TMPRSS9: variants seen among roughly 807,000 people sequenced by gnomAD.
TMPRSS9 encodes the protein transmembrane protease serine 9.
TMPRSS9 carries 113 observed loss-of-function variants against 111.4 expected under a neutral mutation model. The ratio of observed to expected loss-of-function variants is 1.01; its 90% CI spans 0.87 to 1.19. The LOEUF (loss-of-function observed/expected upper bound fraction) is 1.19. Among genes scored for constraint, TMPRSS9 ranks in the 50% most tolerant of loss-of-function variants. TMPRSS9 has a pLI of 0.00. For missense variants in TMPRSS9, 1,803 were observed against 1,513.1 expected, an observed-to-expected ratio of 1.19 and a Z score of -3.18; for synonymous variants, 805 against 659.1, an observed-to-expected ratio of 1.22 and a Z score of -3.39.
intron 10 of TMPRSS9, 133 bp from the exon 12 acceptor site, chr19:2,415,537 T>A (rs775205779): frequency 1.7e-5 from 15 of 857,452 alleles, no homozygotes; most frequent in Non-Finnish European, 2.6e-5. Context: ...CCTCCACGGC[T>A]TCTTGTGTGG....
At chr19:2,418,135 C>T (rs1443281458) in exon 13 of TMPRSS9, 14 of 1,611,702 alleles carry the variant, frequency 8.7e-6, no homozygotes, top group Non-Finnish European at 1.2e-5. Flanking sequence ...TCGACTCCTG[C>T]CAGGTAAGCA....
At chr19:2,418,360 TC>T (rs1971327885) in intron 13 of TMPRSS9, among the ~76,000 whole-genome samples, 2 of 48,634 alleles carry the variant, frequency 4.1e-5, no homozygotes, top group African/African-American at 2.3e-4. Flanking sequence ...CCTCCCTCCC[TC>T]CCTTCCCTTC....
intron 1 of TMPRSS9, among the ~76,000 whole-genome samples, chr19:2,365,410 C>T (rs184641699): frequency 4.6e-5 from 7 of 151,590 alleles, no homozygotes; most frequent in East Asian, 1.9e-4. Flanking sequence ...GATGTTGGGG[C>T]GATGGAGGAG....
intron 1 of TMPRSS9, among the ~76,000 whole-genome samples, chr19:2,377,166 G>T (rs1970342029): frequency 6.6e-6 from 1 of 150,842 alleles, no homozygotes; most frequent in African/African-American, 2.4e-5. Context: ...TGGCTCTATT[G>T]TTAATGGCCA....
At chr19:2,398,933 A>G (rs1970767612) in intron 3 of TMPRSS9, 71 bp downstream of exon 4, 1 of 1,535,692 alleles carries the variant, frequency 6.5e-7, no homozygotes, top group Non-Finnish European at 8.7e-7. Context: ...AGTCCAGAAA[A>G]GTTTGGAAGA....
chr19:2,396,725 C>A (rs919505240), intron 2 of TMPRSS9, 59 bp downstream of exon 3: 8 of 1,546,154 alleles, frequency 5.2e-6, no homozygotes, highest in Non-Finnish European at 6.1e-6. Context: ...GGGGCTTTGA[C>A]CTGGAGGTGC....
intron 17 of TMPRSS9, 129 bp from the exon 19 acceptor site, chr19:2,425,798 A>G (rs1971609467): frequency 1.5e-6 from 2 of 1,358,568 alleles, no homozygotes; most frequent in South Asian, 1.5e-5. Context: ...CATTGAGCCC[A>G]TTTTCCAGAT....
chr19:2,362,347 C>T (rs566581588), intron 1 of TMPRSS9, among the ~76,000 whole-genome samples: 7 of 149,922 alleles, frequency 4.7e-5, no homozygotes, highest in East Asian at 4.0e-4. Context: ...TGTGGTTGTG[C>T]GAGATTGTGT....
chr19:2,383,183 G>C (rs528008371), intron 1 of TMPRSS9, among the ~76,000 whole-genome samples: 1 of 152,042 alleles, frequency 6.6e-6, no homozygotes, highest in Admixed American at 6.6e-5. Flanking sequence ...GCAAGATCCC[G>C]TCTCTACTAA....
intron 7 of TMPRSS9, among the ~76,000 whole-genome samples, chr19:2,406,924 C>T (rs535833330): frequency 2.6e-5 from 4 of 151,412 alleles, no homozygotes; most frequent in East Asian, 2.0e-4. Context: ...CTCAGCCTCC[C>T]GAGTAGCTGG....
chr19:2,418,305 CTTTCCCTCCCTCCCTCCCTCCCTCCCTT>C lies in TMPRSS9; in HGVS notation c.2154+169_2154+196del, dbSNP rs1206383456. ...TTCCTTTCCTCCTTTCCTTCCCTCC[CTTTCCCTCCCTCCCTCCCTCCCTCCCTT>C]TCCTTCCCTCCCTTTCCCTCCCTCC... On this transcript the variant is annotated intron_variant, in intron 13 of 17. Transcript: ENST00000648592. Among the ~76,000 whole-genome samples, 39 of 65,042 alleles carry C rather than the reference CTTTCCCTCCCTCCCTCCCTCCCTCCCTT, an allele frequency of 6.0e-4. 3 individuals carry two copies. Among genetic ancestry groups the C allele is most frequent in the African/African-American group, 4.0e-3 (31 of 7,666 alleles). The allele number at this position is 65,042 out of a possible 152,430, so 42.7% of individuals were successfully genotyped here.
intron 1 of TMPRSS9, among the ~76,000 whole-genome samples, chr19:2,380,840 A>C (rs1970380070): frequency 6.6e-6 from 1 of 152,126 alleles, no homozygotes; most frequent in African/African-American, 2.4e-5. Context: ...AATAGCCTTG[A>C]CTTCCTTACT....
At chr19:2,417,883 G>A (rs11879482) in intron 12 of TMPRSS9, 119 bp from the exon 14 acceptor site, 85 of 1,363,892 alleles carry the variant, frequency 6.2e-5, no homozygotes, top group South Asian at 5.3e-4. Flanking sequence ...AACTCTGTGA[G>A]CCCTGGTTTC....
chr19:2,426,156 C>T, exon 18 of TMPRSS9: 1 of 1,355,458 alleles, frequency 7.4e-7, no homozygotes, highest in East Asian at 3.5e-5. Context: ...ACCCAACACC[C>T]CACCCCACCG....
At chr19:2,398,749 C>T in intron 2 of TMPRSS9, 46 bp from the exon 4 acceptor site, 1 of 1,329,472 alleles carries the variant, frequency 7.5e-7, no homozygotes, top group Non-Finnish European at 9.9e-7. Context: ...TGCCAGGGTG[C>T]CCATGCTGTG....
chr19:2,421,381 C>G (rs572305892), intron 13 of TMPRSS9, among the ~76,000 whole-genome samples: 15 of 151,404 alleles, frequency 9.9e-5, no homozygotes, highest in Non-Finnish European at 1.8e-4. Context: ...CTCCGCCTCC[C>G]GGGTTCACGC....
chr19:2,420,322 A>G (rs2145410568), intron 13 of TMPRSS9, among the ~76,000 whole-genome samples: 1 of 151,944 alleles, frequency 6.6e-6, no homozygotes, highest in Non-Finnish European at 1.5e-5. Flanking sequence ...GGTGCTGGTA[A>G]TTCTAGCTAC....
At chr19:2,422,064 A>G in exon 14 of TMPRSS9, 1 of 1,611,194 alleles carries the variant, frequency 6.2e-7, no homozygotes, top group Non-Finnish European at 8.5e-7. Context: ...GGCCACCACC[A>G]GCCCCAGGAC....
chr19:2,391,104 G>A (rs181715232), intron 1 of TMPRSS9, among the ~76,000 whole-genome samples: 174 of 151,354 alleles, frequency 1.1e-3, no homozygotes, highest in African/African-American at 3.9e-3. Flanking sequence ...GAGCATGGTG[G>A]TGCACGCCTG....
Sources: allele counts gnomAD v4.1 joint callset (sites outside exome capture counted in the v4.1 genomes callset), GRCh38; gene constraint gnomAD v4.1.1; transcripts MANE v1.5; gene names NCBI Gene and HGNC (gene_info 2026-07-23, HGNC 2026-07-21).